JAKMIP3: variants seen among roughly 807,000 people sequenced by gnomAD.
JAKMIP3 encodes the protein janus kinase and microtubule-interacting protein 3.
JAKMIP3 carries 58 observed loss-of-function variants against 118.5 expected under a neutral mutation model. That is an observed-to-expected ratio of 0.49 (90% CI 0.40 to 0.61). The LOEUF is 0.61. Among genes scored for constraint, JAKMIP3 ranks in the 20% least tolerant of loss-of-function variants. JAKMIP3 has a pLI of 0.00. For missense variants in JAKMIP3, 950 were observed against 1,109.0 expected, an observed-to-expected ratio of 0.86 and a Z score of 2.04; for synonymous variants, 486 against 451.2, an observed-to-expected ratio of 1.08 and a Z score of -0.98.
chr10:132,073,723 C>G (rs1482097876), intron 1 of JAKMIP3, among the ~76,000 whole-genome samples: 4 of 152,132 alleles, frequency 2.6e-5, no homozygotes, highest in Admixed American at 6.5e-5. Flanking sequence ...GTCTTGAACT[C>G]CTGGGCTCAA....
chr10:132,071,896 T>TCTTTCTTTCCTTCCTTTCTTTCTTTC (rs1177981068), intron 1 of JAKMIP3, among the ~76,000 whole-genome samples: 10,884 of 67,350 alleles, frequency 0.16, 571 homozygotes, highest in East Asian at 0.49. Flanking sequence ...TTCTTTCCTT[T>TCTTTCTTTCCTTCCTTTCTTTCTTTC]CTTTCTTCCC....
At chr10:132,041,777 G>A (rs946688794) in intron 1 of JAKMIP3, among the ~76,000 whole-genome samples, 1 of 152,220 alleles carries the variant, frequency 6.6e-6, no homozygotes, top group Non-Finnish European at 1.5e-5. Context: ...GCAGACACCT[G>A]CTCTGCCTGG....
chr10:132,120,979 G>A (rs1301963309), intron 3 of JAKMIP3, among the ~76,000 whole-genome samples: 1 of 152,252 alleles, frequency 6.6e-6, no homozygotes, highest in Non-Finnish European at 1.5e-5. Flanking sequence ...GCCTGGGCAT[G>A]AGAGGCAGCT....
chr10:132,118,015 G>C lies in JAKMIP3; in HGVS notation c.633+441G>C, dbSNP rs970460735. Among the ~76,000 whole-genome samples, 1 of 152,100 alleles carries C rather than the reference G, an allele frequency of 6.6e-6. No individual in the cohort carries two copies. The highest frequency in any genetic ancestry group is 1.9e-4 in the East Asian group (1 of 5,184). On this transcript the variant is annotated intron_variant, in intron 3 of 23. Coordinates refer to ENST00000684848, the MANE Select transcript of JAKMIP3 (RefSeq NM_001323087.2). The surrounding 1 kb of genome is among the most constrained non-coding windows in gnomAD (Gnocchi z 4.8). ...CAGCAGGAGTCCCACACATCCTCAC[G>C]GGGGGACTCAGAGGGAATTCTCCAG... is the stretch of plus-strand genomic sequence containing the variant.
At chr10:132,148,465 C>T (rs2055116674) in intron 14 of JAKMIP3, among the ~76,000 whole-genome samples, 1 of 96,008 alleles carries the variant, frequency 1.0e-5, no homozygotes, top group South Asian at 4.0e-4. Flanking sequence ...GCCCGTCCTC[C>T]ATCCGCCCGT....
upstream of JAKMIP3, among the ~76,000 whole-genome samples, chr10:132,064,232 T>C (rs2038525378): frequency 6.6e-6 from 1 of 152,226 alleles, no homozygotes; most frequent in Non-Finnish European, 1.5e-5. This position sits in a 1 kb window ranked among gnomAD's most constrained non-coding sequence, Gnocchi z 4.4. Flanking sequence ...TTTAAAGGCT[T>C]ACAACAGCGC....
upstream of JAKMIP3, among the ~76,000 whole-genome samples, chr10:132,060,617 T>C (rs1438380801): frequency 1.3e-5 from 2 of 152,150 alleles, no homozygotes; most frequent in Non-Finnish European, 2.9e-5. Context: ...TAATGATGTT[T>C]CGTGTCATGG....
intron 23 of JAKMIP3, 54 bp from the exon 24 acceptor site, chr10:132,182,301 TCA>T (rs2061572220): frequency 6.6e-6 from 1 of 152,258 alleles, no homozygotes; most frequent in Non-Finnish European, 1.5e-5. Context: ...CTGTGGTGGG[TCA>T]CACACATTCC....
At chr10:132,108,783 G>A (rs149858858) in intron 2 of JAKMIP3, among the ~76,000 whole-genome samples, 7 of 151,286 alleles carry the variant, frequency 4.6e-5, no homozygotes, top group Admixed American at 3.3e-4. Flanking sequence ...CGGGAGAATC[G>A]CTTCAGCCCA....
At position 132,117,057 on chromosome 10, in the gene JAKMIP3, G is replaced by A; in HGVS notation, c.136-20G>A. 1 of 1,590,202 alleles carries A rather than the reference G, an allele frequency of 6.3e-7. No homozygotes were observed. Among genetic ancestry groups the A allele is most frequent in the South Asian group, 1.1e-5 (1 of 87,908 alleles). ...ATGGCTGGAGCTCCTGCCACACTCA[G>A]TCTCGCTGTTGTCTTTCAGGTCAGC... On this transcript the variant is annotated intron_variant, in intron 2 of 23. Transcript: ENST00000684848. This position sits in a 1 kb window ranked among gnomAD's most constrained non-coding sequence, Gnocchi z 8.6.
At chr10:132,139,186 A>G (rs201928545) in intron 9 of JAKMIP3, among the ~76,000 whole-genome samples, 8 of 92,680 alleles carry the variant, frequency 8.6e-5, no homozygotes, top group African/African-American at 3.0e-4. Flanking sequence ...GTGTCTGTGT[A>G]TGTGTGTGTA....
chr10:132,093,306 G>A (rs767003054), intron 1 of JAKMIP3, among the ~76,000 whole-genome samples: 4 of 152,200 alleles, frequency 2.6e-5, no homozygotes, highest in Admixed American at 6.5e-5. Flanking sequence ...TGTCAGGGAC[G>A]TTTAAGTCTG....
At chr10:132,153,700 C>A in intron 17 of JAKMIP3, 59 bp from the exon 18 acceptor site, 1 of 1,546,106 alleles carries the variant, frequency 6.5e-7, no homozygotes, top group Non-Finnish European at 8.9e-7. Flanking sequence ...CAGCTGTCTC[C>A]ACGAGCCGGG....
chr10:132,041,115 G>C (rs1342594456), intron 1 of JAKMIP3, among the ~76,000 whole-genome samples: 1 of 152,124 alleles, frequency 6.6e-6, no homozygotes, highest in Non-Finnish European at 1.5e-5. Flanking sequence ...GAGTACAGTG[G>C]TGTGATCTCA....
At chr10:132,142,575 G>A (rs35230684) in intron 11 of JAKMIP3, among the ~76,000 whole-genome samples, 16,708 of 152,098 alleles carry the variant, frequency 0.11, 1,096 homozygotes, top group Non-Finnish European at 0.15. Flanking sequence ...TCACCTTAGC[G>A]TCGTCCCCCA....
chr10:132,143,858 CA>C (rs1564956796), intron 11 of JAKMIP3: 1 of 152,260 alleles, frequency 6.6e-6, no homozygotes, highest in Non-Finnish European at 1.5e-5. Flanking sequence ...TGTCCGGAAA[CA>C]GGGTTAGGAC....
chr10:132,167,861 TCGGCCCTCGCCCCTCGCCC>T (rs2059102206), intron 22 of JAKMIP3, 73 bp from the exon 23 acceptor site: 9 of 886,626 alleles, frequency 1.0e-5, no homozygotes, highest in South Asian at 3.0e-5. Context: ...CCCTCACCCC[TCGGCCCTCGCCCCTCGCCC>T]CTCGGCCCTC....
intron 1 of JAKMIP3, among the ~76,000 whole-genome samples, chr10:132,088,160 G>A (rs1356761761): frequency 1.3e-5 from 2 of 151,984 alleles, no homozygotes; most frequent in African/African-American, 2.4e-5. Flanking sequence ...TAGTGCCGCA[G>A]TAAACATATG....
At chr10:132,123,017 A>C (rs531486399) in intron 3 of JAKMIP3, among the ~76,000 whole-genome samples, 2 of 152,288 alleles carry the variant, frequency 1.3e-5, no homozygotes, top group South Asian at 4.1e-4. Context: ...GGAGCCTCGG[A>C]AGGCTCCGGA....
Sources: allele counts gnomAD v4.1 joint callset (sites outside exome capture counted in the v4.1 genomes callset), GRCh38; gene constraint gnomAD v4.1.1; non-coding constraint Gnocchi (gnomAD v3.1); transcripts MANE v1.5; gene names NCBI Gene and HGNC (gene_info 2026-07-23, HGNC 2026-07-21).